CNOT2: variants seen among roughly 807,000 people sequenced by gnomAD.
The protein encoded by CNOT2 is CCR4-NOT transcription complex subunit 2.
CNOT2 carries 7 observed loss-of-function variants against 72.1 expected under a neutral mutation model. The ratio of observed to expected loss-of-function variants is 0.10; its 90% CI spans 0.06 to 0.18. CNOT2 has a LOEUF of 0.18. Ranked by LOEUF, CNOT2 falls within the 10% of genes least tolerant of loss-of-function variation. The probability of loss-of-function intolerance (pLI) is 1.00; values close to 1 mark genes in which losing one functional copy is unlikely to be tolerated. For missense variants in CNOT2, 345 were observed against 660.3 expected (o/e 0.52, Z 5.23); for synonymous variants, 196 against 225.6 (o/e 0.87, Z 1.17).
At chr12:70,324,091 A>T (rs1878709379) in intron 4 of CNOT2, 2 of 151,832 alleles carry the variant, frequency 1.3e-5, no homozygotes, top group African/African-American at 4.8e-5. Context: ...ACTTTGTAAG[A>T]GTAACTATGT....
intron 3 of CNOT2, 104 bp downstream of exon 3, chr12:70,311,121 C>T (rs747555054): frequency 2.6e-6 from 2 of 770,544 alleles, no homozygotes; most frequent in Non-Finnish European, 4.4e-6. Flanking sequence ...GGTTGAGTGA[C>T]AATCTTTTCA....
At chr12:70,320,638 G>A (rs761060594) in intron 4 of CNOT2, among the ~76,000 whole-genome samples, 106 of 151,662 alleles carry the variant, frequency 7.0e-4, no homozygotes, top group Non-Finnish European at 1.3e-3. Context: ...GTTTTAGTGT[G>A]GCTTTCACCC....
intron 8 of CNOT2, 150 bp from the exon 9 acceptor site, chr12:70,337,239 C>A: frequency 5.4e-6 from 3 of 551,354 alleles, no homozygotes; most frequent in Non-Finnish European, 6.4e-6. Flanking sequence ...TTCATTGTTA[C>A]CCTGGATACT....
chr12:70,333,156 T>G (rs917403283), intron 7 of CNOT2, among the ~76,000 whole-genome samples: 2 of 151,908 alleles, frequency 1.3e-5, no homozygotes, highest in African/African-American at 4.8e-5. Context: ...CTTCATAGCT[T>G]TTACTGTCCT....
At chr12:70,293,826 A>C (rs1189294454) in intron 2 of CNOT2, among the ~76,000 whole-genome samples, 2 of 151,876 alleles carry the variant, frequency 1.3e-5, no homozygotes, top group Non-Finnish European at 2.9e-5. Flanking sequence ...AAGTATTTGA[A>C]CACACTGTCT....
At chr12:70,252,757 A>T (rs1958209606) in intron 1 of CNOT2, among the ~76,000 whole-genome samples, 2 of 152,202 alleles carry the variant, frequency 1.3e-5, no homozygotes, top group Admixed American at 1.3e-4. Flanking sequence ...TCATTTGAAA[A>T]ATGTAGATAA....
At chr12:70,342,445 T>C in intron 13 of CNOT2, 138 bp downstream of exon 13, 1 of 998,320 alleles carries the variant, frequency 1.0e-6, no homozygotes, top group South Asian at 1.7e-5. Context: ...CATGTTAACT[T>C]GTTAAATGGT....
chr12:70,243,682 G>T (rs1405618739), intron 1 of CNOT2: 8 of 151,368 alleles, frequency 5.3e-5, no homozygotes, highest in African/African-American at 7.3e-5. Context: ...GGGCGGGGAG[G>T]GGGGTGGCGG....
At chr12:70,298,767 G>T (rs1359207400) in intron 2 of CNOT2, among the ~76,000 whole-genome samples, 2 of 152,160 alleles carry the variant, frequency 1.3e-5, no homozygotes, top group Non-Finnish European at 2.9e-5. Context: ...GTAACTGAAG[G>T]TATGGCAAGG....
intron 15 of CNOT2, among the ~76,000 whole-genome samples, chr12:70,352,537 A>C (rs1161937035): frequency 6.6e-6 from 1 of 152,326 alleles, no homozygotes; most frequent in South Asian, 2.1e-4. Flanking sequence ...AATACTCATC[A>C]TGGAATCAGT....
At chr12:70,249,615 A>G (rs1958040895) in intron 1 of CNOT2, among the ~76,000 whole-genome samples, 1 of 152,066 alleles carries the variant, frequency 6.6e-6, no homozygotes. Flanking sequence ...GCATCTGATC[A>G]TCTTGCAGAT....
intron 15 of CNOT2, chr12:70,347,805 G>A (rs1882384165): frequency 1.3e-5 from 2 of 152,190 alleles, no homozygotes; most frequent in South Asian, 4.1e-4. Context: ...TCCAATTCAT[G>A]TGACTATTGT....
chr12:70,260,917 C>T (rs1958719086), intron 1 of CNOT2, among the ~76,000 whole-genome samples: 1 of 149,882 alleles, frequency 6.7e-6, no homozygotes, highest in Non-Finnish European at 1.5e-5. Flanking sequence ...ATAGAAATGG[C>T]AATTCTGTTT....
At chr12:70,300,795 A>G (rs1873796800) in intron 2 of CNOT2, among the ~76,000 whole-genome samples, 4 of 152,290 alleles carry the variant, frequency 2.6e-5, no homozygotes, top group East Asian at 1.9e-4. Context: ...CATTGAATCT[A>G]TAAATTACCT....
At chr12:70,332,887 TAGATTTATGAAATATAAA>T (rs1468400526) in intron 7 of CNOT2, 41 bp downstream of exon 7, 1 of 1,539,506 alleles carries the variant, frequency 6.5e-7, no homozygotes, top group East Asian at 2.4e-5. Context: ...AAAAGTATGA[TAGATTTATGAAATATAAA>T]GCAATTCAAC....
At chr12:70,245,494 CTT>C (rs2135677559) in intron 1 of CNOT2, among the ~76,000 whole-genome samples, 1 of 152,222 alleles carries the variant, frequency 6.6e-6, no homozygotes, top group Admixed American at 6.5e-5. Context: ...TGGCAGGAAT[CTT>C]TTTCTAAGTA....
chr12:70,243,745 A>C (rs960289288), intron 1 of CNOT2: 1 of 151,788 alleles, frequency 6.6e-6, no homozygotes, highest in African/African-American at 2.4e-5. Flanking sequence ...CCGGACGTAA[A>C]GCGTCGCTGT....
At position 70,353,814 on chromosome 12, in the gene CNOT2, A is replaced by C; in HGVS notation, c.1537-15A>C. ...AAAGGGGAAGATATCTAAATTCTTG[A>C]ATTTGTTTTTATAGGAGTTCCATCT... On this transcript the variant is annotated splice_polypyrimidine_tract_variant and intron_variant, in intron 15 of 15. Coordinates refer to ENST00000229195, the MANE Select transcript of CNOT2 (RefSeq NM_014515.7). 1 of 1,593,668 alleles carries C rather than the reference A, an allele frequency of 6.3e-7. No individual in the cohort carries two copies. Among genetic ancestry groups the C allele is most frequent in the Non-Finnish European group, 8.5e-7 (1 of 1,173,906 alleles).
chr12:70,330,966 A>C (rs1879844882), intron 6 of CNOT2: 1 of 152,136 alleles, frequency 6.6e-6, no homozygotes, highest in East Asian at 1.9e-4. Flanking sequence ...ATTCAAAACA[A>C]AAAAACGGGT....
Sources: gnomAD v4.1 joint callset for allele counts (sites outside exome capture counted in the v4.1 genomes callset) on GRCh38, gnomAD v4.1.1 for gene constraint, MANE v1.5 for transcripts, NCBI Gene and HGNC (gene_info 2026-07-23, HGNC 2026-07-21) for gene names.